RNPEP: variants seen among roughly 807,000 people sequenced by gnomAD.
RNPEP encodes aminopeptidase B.
A neutral mutation model predicts 70.1 loss-of-function variants in RNPEP; 57 were observed. The ratio of observed to expected loss-of-function variants is 0.81; its 90% CI spans 0.66 to 1.01. The LOEUF is 1.01. RNPEP is among the 50% of genes least tolerant of loss of function. RNPEP has a pLI of 0.00. For missense variants in RNPEP, 787 were observed against 852.4 expected (o/e 0.92, Z 0.96); for synonymous variants, 335 against 357.4 (o/e 0.94, Z 0.71).
intron 8 of RNPEP, among the ~76,000 whole-genome samples, chr1:202,002,542 T>C (rs1462152256): frequency 6.6e-6 from 1 of 152,214 alleles, no homozygotes; most frequent in Non-Finnish European, 1.5e-5. Context: ...CCATTAGACA[T>C]ACCCCCACTT....
chr1:201,988,674 A>G (rs1424436223), intron 1 of RNPEP, among the ~76,000 whole-genome samples: 1 of 152,144 alleles, frequency 6.6e-6, no homozygotes, highest in Non-Finnish European at 1.5e-5. Flanking sequence ...GCAGTGAGGA[A>G]TGGACCCTTT....
At chr1:202,004,731 A>T (rs1256359336) in intron 10 of RNPEP, among the ~76,000 whole-genome samples, 2 of 152,134 alleles carry the variant, frequency 1.3e-5, no homozygotes, top group Non-Finnish European at 1.5e-5. Flanking sequence ...AGCTGGTGAG[A>T]CCCCAGGGAA....
chr1:201,996,201 C>T lies in RNPEP; in HGVS notation c.792C>T (p.Asn264=), dbSNP rs538754649. The T allele has an allele frequency of 1.3e-5, 21 of 1,614,124 alleles. No homozygotes were observed. Among genetic ancestry groups the T allele is most frequent in the Admixed American group, 5.0e-5 (3 of 60,016 alleles). The change falls in exon 4 of 11, where the codon AAC becomes AAT. Residue 264 remains asparagine, a synonymous_variant. Coordinates refer to ENST00000295640, the MANE Select transcript of RNPEP (RefSeq NM_020216.4). ...TTGATGCTGCCAAGGAGGAGTACAA[C>T]GGGGTGATAGAAGAATTTTTGGCAA... ...CLIDAAKEEY[N]GVIEEFLATG...
chr1:201,986,027 A>G (rs10920295), intron 1 of RNPEP, among the ~76,000 whole-genome samples: 21,978 of 152,176 alleles, frequency 0.14, 1,694 homozygotes, highest in Admixed American at 0.2. Context: ...CCCCTGGTTC[A>G]AGTGATCCTC....
intron 3 of RNPEP, among the ~76,000 whole-genome samples, chr1:201,989,908 G>A (rs1017150096): frequency 1.3e-5 from 2 of 151,538 alleles, no homozygotes; most frequent in Admixed American, 6.6e-5. Flanking sequence ...GCAATGGTGC[G>A]ATCTTGGCTC....
chr1:201,996,716 A>G (rs1206005040), intron 4 of RNPEP, among the ~76,000 whole-genome samples: 1 of 151,924 alleles, frequency 6.6e-6, no homozygotes, highest in Non-Finnish European at 1.5e-5. Flanking sequence ...CTGGTCTCGA[A>G]CTCCTGACCT....
chr1:202,001,503 G>A lies in RNPEP; in HGVS notation c.1317+15G>A, dbSNP rs773269192. 2.5e-6 allele frequency: 4 copies of A among 1,580,466 alleles called. No homozygotes were observed. The highest frequency in any genetic ancestry group is 2.7e-5 in the African/African-American group (2 of 74,190). ...GTTTTCTCAAGGTATAGTCACATGA[G>A]GGGAGAAGGAAGAGGAGCGGATAAA... is the stretch of plus-strand genomic sequence containing the variant. On this transcript the variant is annotated intron_variant, in intron 7 of 10. Coordinates refer to ENST00000295640, the MANE Select transcript of RNPEP (RefSeq NM_020216.4).
At chr1:202,001,186 A>T in intron 6 of RNPEP, 190 bp from the exon 7 acceptor site, 1 of 585,462 alleles carries the variant, frequency 1.7e-6, no homozygotes, top group East Asian at 2.8e-5. Flanking sequence ...TAAGAGAGAG[A>T]GTCTTGGCCT....
chr1:201,999,949 C>T lies in RNPEP; in HGVS notation c.1138C>T (p.Arg380Cys), dbSNP rs745387127. Reference sequence around the variant, plus strand: ...GGCTGCAACGGGGCGGGCTCTGCTGCGTCAGCACATGGACATCACTGGAGA... The same window carrying T: ...GGCTGCAACGGGGCGGGCTCTGCTGTGTCAGCACATGGACATCACTGGAGA... ...LEAATGRALLRQHMDITGEEN... is the reference protein window; with the variant it reads ...LEAATGRALLCQHMDITGEEN... The change falls in exon 6 of 11, where the codon CGT becomes TGT. Residue 380 changes from arginine (R) to cysteine (C), a missense_variant. Physicochemically the swap from Arg to Cys is radical, Grantham distance 180. Coordinates refer to ENST00000295640, the MANE Select transcript of RNPEP (RefSeq NM_020216.4). The T allele has an allele frequency of 5.6e-6, 9 of 1,613,810 alleles. No homozygotes were observed. The highest frequency in any genetic ancestry group is 6.8e-6 in the Non-Finnish European group (8 of 1,179,878).
intron 1 of RNPEP, among the ~76,000 whole-genome samples, chr1:201,987,599 G>A (rs368322470): frequency 3.0e-4 from 46 of 151,544 alleles, no homozygotes; most frequent in South Asian, 1.9e-3. Context: ...CATCACACCC[G>A]GCTAATTTTT....
chr1:201,992,848 A>C (rs570055916), intron 3 of RNPEP, among the ~76,000 whole-genome samples: 1 of 152,346 alleles, frequency 6.6e-6, no homozygotes, highest in East Asian at 1.9e-4. Flanking sequence ...GAATTAAAGG[A>C]AAGTTGAAAT....
chr1:202,003,549 G>T (rs1571650076), intron 9 of RNPEP, 88 bp downstream of exon 9: 1 of 938,418 alleles, frequency 1.1e-6, no homozygotes, highest in East Asian at 2.6e-5. Context: ...AGTGATGCTT[G>T]CCCCTAGGGA....
In RNPEP at chr1:201,982,950, G is replaced by A; in HGVS notation, c.284G>A (p.Arg95Gln). The A allele has an allele frequency of 4.7e-6, 7 of 1,490,460 alleles. No homozygotes were observed. The highest frequency in any genetic ancestry group is 6.2e-6 in the Non-Finnish European group (7 of 1,123,292). 92.3% of individuals were successfully genotyped at this position (1,490,460 alleles called of 1,614,324 possible). ...GAGGTGACGGCGGCGGCGCTGCGGC[G>A]GGAGCGGCCCGGCTCGGAGGAGCCG... is the stretch of plus-strand genomic sequence containing the variant. ...CLEVTAAALRRERPGSEEPPA... is the reference protein window; with the variant it reads ...CLEVTAAALRQERPGSEEPPA... Residue 95 changes from arginine (R) to glutamine (Q), a missense_variant, in exon 1 of 11, where the codon CGG becomes CAG. Physicochemically the swap from Arg to Gln is conservative, Grantham distance 43. Transcript: ENST00000295640.
intron 6 of RNPEP, 122 bp from the exon 7 acceptor site, chr1:202,001,254 G>C (rs989655402): frequency 1.2e-5 from 8 of 694,518 alleles, no homozygotes; most frequent in African/African-American, 1.8e-5. Context: ...TGGCCTTGCT[G>C]TCCCTGGGGA....
chr1:201,997,766 G>GTT (rs10625357), intron 5 of RNPEP, among the ~76,000 whole-genome samples: 42,763 of 138,858 alleles, frequency 0.31, 7,103 homozygotes, highest in South Asian at 0.52. Context: ...CAGGTCATTA[G>GTT]TTTTTTTTTT....
rs1553303896 is a variant in RNPEP, at chr1:201,990,418, A to ATCAGG, written c.737+887_737+888insTCAGG. ...AAGGGATTTTGTAAGGTTTCCTGATAAAAGAGGTTTGACCAGGAGTATAGG... is the reference window on the plus strand; with the variant it reads ...AAGGGATTTTGTAAGGTTTCCTGATATCAGGAAAGAGGTTTGACCAGGAGTATAGG... On this transcript the variant is annotated intron_variant, in intron 3 of 10. Transcript: ENST00000295640. 7.9e-3 allele frequency among the ~76,000 whole-genome samples: 1,208 copies of ATCAGG among 152,342 alleles called. 14 individuals carry two copies. Among genetic ancestry groups the ATCAGG allele is most frequent in the African/African-American group, 0.028 (1,148 of 41,578 alleles).
Position 201,989,005 on chromosome 1 carries a change from C to T in RNPEP, c.549C>T (p.Asp183=), listed in dbSNP as rs376165093. Residue 183 remains aspartate, a synonymous_variant, in exon 2 of 11, where the codon GAC becomes GAT. Transcript: ENST00000295640. ...ACCGGGCCTTCTTCCCTTGCTTCGA[C>T]ACGCCTGCTGTTAAATACAAGTATT... is the stretch of plus-strand genomic sequence containing the variant. The part of the protein sequence containing the change: ...VLNRAFFPCF[D]TPAVKYKYSA... The T allele has an allele frequency of 1.9e-6, 3 of 1,614,094 alleles. No homozygotes were observed. The African/African-American group carries it at 4.0e-5, about 22-fold the overall frequency.
intron 4 of RNPEP, 53 bp from the exon 5 acceptor site, chr1:201,997,266 G>A (rs959639831): frequency 3.6e-6 from 5 of 1,379,226 alleles, no homozygotes; most frequent in Non-Finnish European, 5.2e-6. Context: ...AGGCGAGGTA[G>A]GGTCTGCTCC....
intron 1 of RNPEP, chr1:201,984,006 C>T (rs781593750): frequency 7.4e-5 from 29 of 390,358 alleles, no homozygotes; most frequent in Non-Finnish European, 9.5e-5. Flanking sequence ...TCTCGGCTCA[C>T]TGCAACCTCT....
Sources: gnomAD v4.1 joint callset for allele counts (sites outside exome capture counted in the v4.1 genomes callset) on GRCh38, gnomAD v4.1.1 for gene constraint, MANE v1.5 for transcripts, NCBI Gene and HGNC (gene_info 2026-07-23, HGNC 2026-07-21) for gene names.